The following RANBP3L variants were observed in gnomAD, a reference collection of about 807,000 sequenced individuals.
The protein encoded by RANBP3L is ran-binding protein 3-like.
Under a neutral mutation model 67.2 loss-of-function variants are expected in RANBP3L, and 56 were observed. The ratio of observed to expected loss-of-function variants is 0.83; its 90% CI spans 0.67 to 1.04. The LOEUF (loss-of-function observed/expected upper bound fraction) is 1.04. RANBP3L is among the 50% of genes least tolerant of loss of function. RANBP3L has a pLI of 0.00. For synonymous variants in RANBP3L, 164 were observed against 181.4 expected (o/e 0.90, Z 0.77); for missense variants, 496 against 535.5 (o/e 0.93, Z 0.73).
intron 13 of RANBP3L, among the ~76,000 whole-genome samples, chr5:36,250,744 T>C (rs931352025): frequency 2.0e-5 from 3 of 152,142 alleles, no homozygotes; most frequent in Non-Finnish European, 4.4e-5. Context: ...CATATCAAGA[T>C]AAGCACTAAA....
At chr5:36,293,607 A>C (rs893202572) in intron 1 of RANBP3L, among the ~76,000 whole-genome samples, 3 of 15,644 alleles carry the variant, frequency 1.9e-4, no homozygotes, top group African/African-American at 5.4e-4. Flanking sequence ...AGTTTTTAGC[A>C]TGAAGGTTGT....
intron 6 of RANBP3L, 56 bp downstream of exon 6, chr5:36,264,903 C>T: frequency 6.4e-7 from 1 of 1,553,334 alleles, no homozygotes; most frequent in Non-Finnish European, 8.7e-7. Context: ...CCCAAACAAC[C>T]TGCAAAAAGA....
chr5:36,250,448 A>T (rs890630728), intron 13 of RANBP3L, among the ~76,000 whole-genome samples: 1 of 152,030 alleles, frequency 6.6e-6, no homozygotes, highest in East Asian at 1.9e-4. Flanking sequence ...AAGATATTTC[A>T]TCCAGTTATG....
intron 13 of RANBP3L, 76 bp downstream of exon 13, chr5:36,251,237 A>G (rs76661991): frequency 1.6e-6 from 2 of 1,250,162 alleles, no homozygotes; most frequent in Non-Finnish European, 2.2e-6. Context: ...TTGTTAAAAA[A>G]TCTACCTAAT....
intron 1 of RANBP3L, among the ~76,000 whole-genome samples, chr5:36,290,224 C>CTTTT (rs33974139): frequency 8.3e-5 from 12 of 143,986 alleles, no homozygotes; most frequent in Non-Finnish European, 9.0e-5. Flanking sequence ...TCTGTCTCAC[C>CTTTT]TTTTTTTTTT....
chr5:36,275,139 C>T (rs1750481917), intron 1 of RANBP3L, among the ~76,000 whole-genome samples: 1 of 152,124 alleles, frequency 6.6e-6, no homozygotes, highest in Admixed American at 6.5e-5. Flanking sequence ...CAAGAAAGAA[C>T]ACGAAGTACT....
chr5:36,273,865 C>A (rs1750396262), intron 1 of RANBP3L, among the ~76,000 whole-genome samples: 1 of 152,146 alleles, frequency 6.6e-6, no homozygotes, highest in Non-Finnish European at 1.5e-5. Context: ...CCTAAAGCTA[C>A]CTTCTTATAA....
chr5:36,255,831 T>C (rs1360457905), intron 10 of RANBP3L, among the ~76,000 whole-genome samples: 1 of 152,070 alleles, frequency 6.6e-6, no homozygotes, highest in Non-Finnish European at 1.5e-5. Context: ...TTATTTCCCA[T>C]CTACCAATTT....
At chr5:36,287,234 C>T (rs146416683) in intron 1 of RANBP3L, among the ~76,000 whole-genome samples, 22 of 152,324 alleles carry the variant, frequency 1.4e-4, no homozygotes, top group African/African-American at 4.1e-4. Context: ...TGCTCACTCA[C>T]GCCCTGCTCA....
At chr5:36,276,067 C>A (rs1750546672) in intron 1 of RANBP3L, among the ~76,000 whole-genome samples, 1 of 152,186 alleles carries the variant, frequency 6.6e-6, no homozygotes, top group South Asian at 2.1e-4. Flanking sequence ...TCCTGCCCAG[C>A]AAGCATACAG....
chr5:36,251,873 C>T (rs1309823814), intron 12 of RANBP3L, among the ~76,000 whole-genome samples: 1 of 152,078 alleles, frequency 6.6e-6, no homozygotes, highest in East Asian at 1.9e-4. Context: ...CATCACTTTG[C>T]TTGGACATTC....
At position 36,301,406 on chromosome 5, in the gene RANBP3L, A is replaced by G. The variant is rs761014036; in HGVS notation, c.11T>C (p.Ile4Thr). The change falls in exon 1 of 14, where the codon ATA becomes ACA. Residue 4 changes from isoleucine (I) to threonine (T), a missense_variant. Transcript: ENST00000296604. MTTIPRKGSSHLPG... is the reference protein window; with the variant it reads MTTTPRKGSSHLPG... Reference sequence around the variant, plus strand: ...CAGGTGGCTGCTGCCTTTTCTTGGTATGGTAGTCATGGTCCTAGCAGTATG... The same window carrying G: ...CAGGTGGCTGCTGCCTTTTCTTGGTGTGGTAGTCATGGTCCTAGCAGTATG... The G allele has an allele frequency of 4.3e-6, 7 of 1,613,258 alleles. No individual in the cohort carries two copies. The highest frequency in any genetic ancestry group is 1.1e-5 in the South Asian group (1 of 91,060).
In RANBP3L at chr5:36,283,988, CT is replaced by C. The variant is rs547957841; in HGVS notation, c.92-12678del. On this transcript the variant is annotated intron_variant, in intron 1 of 13. Transcript: ENST00000296604. ...AGGTTGGGTTCCCTCTCCTCACTTC[CT>C]TTTTTTTTTTTGAGATGGAGTTTCA... 5.9e-3 allele frequency among the ~76,000 whole-genome samples: 856 copies of C among 145,296 alleles called. 6 individuals carry two copies. Among genetic ancestry groups the C allele is most frequent in the African/African-American group, 4.2e-3 (168 of 40,034 alleles).
intron 13 of RANBP3L, among the ~76,000 whole-genome samples, chr5:36,249,913 A>C (rs1244365724): frequency 6.6e-6 from 1 of 151,972 alleles, no homozygotes; most frequent in Non-Finnish European, 1.5e-5. Context: ...AGTGCAAAAA[A>C]TTAGACCTTT....
chr5:36,283,508 A>G (rs1044065760), intron 1 of RANBP3L, among the ~76,000 whole-genome samples: 1 of 150,850 alleles, frequency 6.6e-6, no homozygotes, highest in Non-Finnish European at 1.5e-5. Flanking sequence ...TAGTACTGGT[A>G]TGGGTCTTGC....
At chr5:36,291,836 CTGTGAATAATGCCGCAA>C (rs1306900571) in intron 1 of RANBP3L, among the ~76,000 whole-genome samples, 3 of 120,566 alleles carry the variant, frequency 2.5e-5, no homozygotes, top group African/African-American at 9.6e-5. Context: ...GTCTTTGCTA[CTGTGAATAATGCCGCAA>C]TAAACATACG....
intron 1 of RANBP3L, among the ~76,000 whole-genome samples, chr5:36,294,892 T>A (rs35260377): frequency 0.15 from 21,924 of 148,274 alleles, 2,112 homozygotes; most frequent in Non-Finnish European, 0.22. Flanking sequence ...ACACTATATA[T>A]ACATATATGT....
intron 1 of RANBP3L, among the ~76,000 whole-genome samples, chr5:36,294,043 G>C (rs1004839716): frequency 6.6e-6 from 1 of 152,090 alleles, no homozygotes; most frequent in African/African-American, 2.4e-5. Context: ...GACTCTTTTT[G>C]GTTGGTAAGC....
chr5:36,277,534 C>T (rs1019296043), intron 1 of RANBP3L, among the ~76,000 whole-genome samples: 1 of 150,286 alleles, frequency 6.7e-6, no homozygotes, highest in Admixed American at 6.7e-5. Context: ...CCTACAGCTT[C>T]TTCTTCTAAC....
Sources: allele counts gnomAD v4.1 joint callset (sites outside exome capture counted in the v4.1 genomes callset), GRCh38; gene constraint gnomAD v4.1.1; transcripts MANE v1.5; gene names NCBI Gene and HGNC (gene_info 2026-07-23, HGNC 2026-07-21).